SNTG2: variants seen among roughly 807,000 people sequenced by gnomAD.
The protein encoded by SNTG2 is gamma-2-syntrophin.
A neutral mutation model predicts 70.9 loss-of-function variants in SNTG2; 74 were observed. The ratio of observed to expected loss-of-function variants is 1.04; its 90% CI spans 0.86 to 1.27. SNTG2 has a LOEUF of 1.27. SNTG2 is among the 50% of genes most tolerant of loss of function. SNTG2 has a pLI of 0.00. For missense variants in SNTG2, 717 were observed against 690.7 expected (o/e 1.04, Z -0.43); for synonymous variants, 278 against 273.8 (o/e 1.02, Z -0.15).
chr2:1,180,280 A>C (rs1359764052), intron 8 of SNTG2, among the ~76,000 whole-genome samples: 3,129 of 101,590 alleles, frequency 0.031, no homozygotes, highest in East Asian at 0.078. Context: ...GTGAACAGGC[A>C]ACCTACAGAA....
At chr2:1,155,718 C>G (rs1489924465) in intron 6 of SNTG2, among the ~76,000 whole-genome samples, 1 of 152,120 alleles carries the variant, frequency 6.6e-6, no homozygotes, top group East Asian at 1.9e-4. Context: ...GAGAAGGCTT[C>G]CCAATCACCC....
At chr2:1,168,909 G>A (rs4453719) in intron 7 of SNTG2, among the ~76,000 whole-genome samples, 84,811 of 152,034 alleles carry the variant, frequency 0.56, 25,024 homozygotes, top group East Asian at 0.75. Flanking sequence ...ATGGGGCAAA[G>A]GTTTAAGGGA....
intron 9 of SNTG2, among the ~76,000 whole-genome samples, chr2:1,217,889 A>T (rs1572753509): frequency 6.6e-6 from 1 of 152,050 alleles, no homozygotes; most frequent in South Asian, 2.1e-4. Flanking sequence ...CTGTTTTATT[A>T]TCTCACAGTC....
At chr2:1,222,013 C>T (rs1553362070) in intron 9 of SNTG2, among the ~76,000 whole-genome samples, 2 of 97,712 alleles carry the variant, frequency 2.0e-5, no homozygotes, top group African/African-American at 3.6e-5. Context: ...CTCTCTCTGT[C>T]TCTCTCTGTC....
intron 8 of SNTG2, among the ~76,000 whole-genome samples, chr2:1,178,052 T>C (rs959051692): frequency 6.6e-6 from 1 of 152,138 alleles, no homozygotes; most frequent in Non-Finnish European, 1.5e-5. Flanking sequence ...GAAAAATACA[T>C]AGATGAAAAT....
At chr2:1,363,578 G>A (rs371287333) in intron 16 of SNTG2, among the ~76,000 whole-genome samples, 7 of 152,160 alleles carry the variant, frequency 4.6e-5, no homozygotes, top group South Asian at 4.1e-4. Context: ...GCCCATGACC[G>A]ACATGTGAAC....
intron 9 of SNTG2, among the ~76,000 whole-genome samples, chr2:1,227,129 A>G (rs1018066029): frequency 2.6e-5 from 4 of 152,252 alleles, no homozygotes; most frequent in African/African-American, 7.2e-5. Flanking sequence ...GAGTTATTTT[A>G]TCATCACTGA....
chr2:1,329,731 T>G (rs1659421159), intron 16 of SNTG2, among the ~76,000 whole-genome samples: 1 of 152,172 alleles, frequency 6.6e-6, no homozygotes. Context: ...CAGCAGAAGT[T>G]TATTAATGAG....
intron 1 of SNTG2, among the ~76,000 whole-genome samples, chr2:1,017,212 C>T (rs935722144): frequency 6.6e-6 from 1 of 152,116 alleles, no homozygotes; most frequent in East Asian, 1.9e-4. Flanking sequence ...CTTATGATCT[C>T]TGTTTTACTG....
chr2:1,168,141 C>G (rs1421984114), intron 7 of SNTG2, among the ~76,000 whole-genome samples: 1 of 142,140 alleles, frequency 7.0e-6, no homozygotes, highest in Non-Finnish European at 1.5e-5. Context: ...GACGGCAGAA[C>G]TGAAACCTAC....
intron 4 of SNTG2, among the ~76,000 whole-genome samples, chr2:1,126,596 C>G (rs926086352): frequency 6.6e-6 from 1 of 152,164 alleles, no homozygotes; most frequent in Non-Finnish European, 1.5e-5. Flanking sequence ...TTACCACCAG[C>G]AGTGTGAGTT....
chr2:1,049,335 C>T (rs1014900963), intron 1 of SNTG2, among the ~76,000 whole-genome samples: 24 of 152,210 alleles, frequency 1.6e-4, no homozygotes, highest in African/African-American at 5.5e-4. Flanking sequence ...CCCTCCCTCT[C>T]AACCCCTGAC....
In SNTG2 at chr2:1,162,093, AGT is replaced by A. The variant is rs1368212179; in HGVS notation, c.412-3453_412-3452del. 2.1e-4 allele frequency among the ~76,000 whole-genome samples: 31 copies of A among 147,838 alleles called. No homozygotes were observed. The South Asian group carries it at 3.0e-3, about 14-fold the overall frequency. Reference sequence around the variant, plus strand: ...TCTCAAAAAAAAAAAAAAAAAAAAAAGTGCTTGTTTTCAGGCTACTCTGCCTC... The same window carrying A: ...TCTCAAAAAAAAAAAAAAAAAAAAAAGCTTGTTTTCAGGCTACTCTGCCTC... On this transcript the variant is annotated intron_variant, in intron 6 of 16. Transcript: ENST00000308624.
At chr2:1,331,467 A>G (rs1659524997) in intron 16 of SNTG2, among the ~76,000 whole-genome samples, 2 of 152,162 alleles carry the variant, frequency 1.3e-5, no homozygotes, top group South Asian at 4.1e-4. Context: ...GGAATGTAGG[A>G]AATAACTTCT....
chr2:1,020,410 C>G (rs1660097337), intron 1 of SNTG2, among the ~76,000 whole-genome samples: 1 of 152,192 alleles, frequency 6.6e-6, no homozygotes, highest in South Asian at 2.1e-4. Flanking sequence ...CATCAGCAGG[C>G]AGGCCACGGT....
chr2:1,146,244 C>T (rs1048704467), intron 6 of SNTG2, among the ~76,000 whole-genome samples: 2 of 152,068 alleles, frequency 1.3e-5, no homozygotes, highest in African/African-American at 4.8e-5. Flanking sequence ...AATTGCCTTG[C>T]TTGGTACCAG....
intron 2 of SNTG2, among the ~76,000 whole-genome samples, chr2:1,088,968 A>G (rs1664850306): frequency 1.3e-5 from 2 of 152,232 alleles, no homozygotes; most frequent in South Asian, 4.1e-4. Context: ...TGTAAGACAC[A>G]AAGTGCTGGG....
chr2:1,156,519 C>T (rs911586188), intron 6 of SNTG2, among the ~76,000 whole-genome samples: 4 of 152,056 alleles, frequency 2.6e-5, no homozygotes, highest in Non-Finnish European at 4.4e-5. Context: ...CTAGAGTCCC[C>T]AGAGGATGAA....
chr2:1,001,917 A>G (rs552043825), intron 1 of SNTG2, among the ~76,000 whole-genome samples: 23 of 152,202 alleles, frequency 1.5e-4, no homozygotes, highest in African/African-American at 5.5e-4. Context: ...AAAAATAGAC[A>G]TGTAGATCAA....
Sources: allele counts gnomAD v4.1 joint callset (sites outside exome capture counted in the v4.1 genomes callset), GRCh38; gene constraint gnomAD v4.1.1; transcripts MANE v1.5; gene names NCBI Gene and HGNC (gene_info 2026-07-23, HGNC 2026-07-21).